NFU1: variants seen among roughly 807,000 people sequenced by gnomAD.
NFU1 encodes the protein NFU1 iron-sulfur cluster scaffold.
In NFU1, 30 loss-of-function variants were observed where a neutral mutation model predicts 32.2. That is an observed-to-expected ratio of 0.93 (90% CI 0.70 to 1.26). The LOEUF (loss-of-function observed/expected upper bound fraction) is 1.26. Among genes scored for constraint, NFU1 ranks in the 50% most tolerant of loss-of-function variants. NFU1 has a pLI of 0.00. For synonymous variants in NFU1, 112 were observed against 104.6 expected, an observed-to-expected ratio of 1.07 and a Z score of -0.43; for missense variants, 306 against 306.6, an observed-to-expected ratio of 1.00 and a Z score of 0.02.
At chr2:69,436,404 C>G (rs1247844995) in intron 1 of NFU1, among the ~76,000 whole-genome samples, 2 of 152,158 alleles carry the variant, frequency 1.3e-5, no homozygotes, top group Non-Finnish European at 2.9e-5. Context: ...TGTGAATACT[C>G]TGGAATTTGG....
intron 6 of NFU1, among the ~76,000 whole-genome samples, chr2:69,403,392 A>ATT (rs199867879): frequency 6.9e-6 from 1 of 144,080 alleles, no homozygotes; most frequent in Admixed American, 7.0e-5. Context: ...GGTTTGATTC[A>ATT]TTTTTTTTTT....
intron 3 of NFU1, among the ~76,000 whole-genome samples, chr2:69,420,151 G>A (rs552367033): frequency 1.3e-5 from 2 of 151,680 alleles, no homozygotes; most frequent in South Asian, 2.1e-4. Flanking sequence ...GATTACAGGC[G>A]CCCACCACCA....
chr2:69,434,239 G>A (rs1435110833), intron 1 of NFU1, among the ~76,000 whole-genome samples: 1 of 151,780 alleles, frequency 6.6e-6, no homozygotes, highest in Non-Finnish European at 1.5e-5. Flanking sequence ...CCGCCTCCTG[G>A]GTTCAAGCAA....
intron 4 of NFU1, among the ~76,000 whole-genome samples, chr2:69,418,526 G>A: frequency 6.6e-6 from 1 of 152,034 alleles, no homozygotes; most frequent in Admixed American, 6.5e-5. Context: ...GAGTGCAGTG[G>A]CCCGATCTCC....
chr2:69,423,475 A>G, intron 3 of NFU1, 107 bp downstream of exon 3: 2 of 1,011,062 alleles, frequency 2.0e-6, no homozygotes, highest in Non-Finnish European at 2.9e-6. Context: ...ACTTAAAAAA[A>G]AATGCAGTGC....
intron 7 of NFU1, among the ~76,000 whole-genome samples, chr2:69,397,934 A>G (rs922675406): frequency 7.3e-6 from 1 of 136,682 alleles, no homozygotes; most frequent in Non-Finnish European, 1.6e-5. Context: ...AAAAAAAAAA[A>G]TCCAGATTCT....
intron 5 of NFU1, among the ~76,000 whole-genome samples, chr2:69,413,106 G>A (rs988829037): frequency 6.6e-6 from 1 of 151,260 alleles, no homozygotes; most frequent in African/African-American, 2.4e-5. Context: ...CCAACATGGT[G>A]AAACCCCGTC....
intron 2 of NFU1, among the ~76,000 whole-genome samples, chr2:69,427,790 T>C (rs547758543): frequency 6.6e-6 from 1 of 151,500 alleles, no homozygotes; most frequent in Non-Finnish European, 1.5e-5. Flanking sequence ...AGGACCAGCC[T>C]GGCCAACATG....
chr2:69,434,959 G>C (rs1365792120), intron 1 of NFU1, among the ~76,000 whole-genome samples: 1 of 152,162 alleles, frequency 6.6e-6, no homozygotes, highest in Non-Finnish European at 1.5e-5. Flanking sequence ...TTTGTGGGCG[G>C]GGCCACAGGA....
At chr2:69,411,154 G>C (rs140271779) in intron 5 of NFU1, 1 of 151,988 alleles carries the variant, frequency 6.6e-6, no homozygotes, top group South Asian at 2.1e-4. Flanking sequence ...TGTAGAAAAA[G>C]ATAAAATTAT....
intron 3 of NFU1, 49 bp downstream of exon 3, chr2:69,423,533 G>A: frequency 1.9e-6 from 3 of 1,567,688 alleles, no homozygotes; most frequent in Non-Finnish European, 2.6e-6. Context: ...CCCAAAGTCA[G>A]TTAGTTATTT....
At chr2:69,438,738 G>A (rs540469523), upstream of NFU1, among the ~76,000 whole-genome samples, 50 of 152,110 alleles carry the variant, frequency 3.3e-4, no homozygotes, top group Non-Finnish European at 6.6e-4. Flanking sequence ...CATCTAAGAG[G>A]GTGGGTGGGT....
chr2:69,434,866 C>T (rs1673776147), intron 1 of NFU1, among the ~76,000 whole-genome samples: 1 of 152,158 alleles, frequency 6.6e-6, no homozygotes, highest in African/African-American at 2.4e-5. Context: ...GATAGACTGG[C>T]AGGCCAGGGA....
At chr2:69,401,885 A>G (rs1473158674) in intron 6 of NFU1, among the ~76,000 whole-genome samples, 2 of 142,656 alleles carry the variant, frequency 1.4e-5, no homozygotes, top group South Asian at 4.5e-4. Flanking sequence ...TGGCTACTTG[A>G]TTATCTTTTT....
rs552887143 is a variant in NFU1 at position 69,435,935 on chromosome 2, A to G, written c.62+1426T>C. Among the ~76,000 whole-genome samples the G allele has an allele frequency of 1.0e-4, 9 of 86,886 alleles. No homozygotes were observed. The South Asian group carries it at 2.7e-3, about 26-fold the overall frequency. 57.0% of individuals were successfully genotyped at this position (86,886 alleles called of 152,430 possible). ...GCCCAGCTTTTTTTTTTTTTTTTTT[A>G]GTTTCACCATGTTGGCCAGACTGGT... is the stretch of plus-strand genomic sequence containing the variant. On this transcript the variant is annotated intron_variant, in intron 1 of 7. Transcript: ENST00000410022.
At chr2:69,434,884 T>C (rs1205474899) in intron 1 of NFU1, among the ~76,000 whole-genome samples, 2 of 152,184 alleles carry the variant, frequency 1.3e-5, no homozygotes, top group East Asian at 3.8e-4. Flanking sequence ...GGAACGGGTG[T>C]TGCTGACTGG....
At chr2:69,413,779 T>A (rs1051600413) in intron 5 of NFU1, among the ~76,000 whole-genome samples, 6 of 147,956 alleles carry the variant, frequency 4.1e-5, no homozygotes, top group Non-Finnish European at 6.0e-5. Context: ...CCGGGCACGA[T>A]GGCTCATGCC....
At chr2:69,396,384 C>G (rs754355443) in intron 7 of NFU1, 94 bp from the exon 8 acceptor site, 8 of 851,160 alleles carry the variant, frequency 9.4e-6, no homozygotes, top group Non-Finnish European at 1.5e-5. Flanking sequence ...ACCTGATACA[C>G]TCTATAATGA....
intron 5 of NFU1, among the ~76,000 whole-genome samples, chr2:69,414,456 A>G (rs1672986252): frequency 6.6e-6 from 1 of 151,858 alleles, no homozygotes; most frequent in Non-Finnish European, 1.5e-5. Context: ...CATCTCTACT[A>G]AAAATACAAA....
Sources: gnomAD v4.1 joint callset for allele counts (sites outside exome capture counted in the v4.1 genomes callset) on GRCh38, gnomAD v4.1.1 for gene constraint, MANE v1.5 for transcripts, NCBI Gene and HGNC (gene_info 2026-07-23, HGNC 2026-07-21) for gene names.